Variants in MALRD1 observed in about 807,000 individuals in gnomAD.
MALRD1 encodes the protein MAM and LDL-receptor class A domain-containing protein 1.
In MALRD1, 247 loss-of-function variants were observed where a neutral mutation model predicts 242.1. The ratio of observed to expected loss-of-function variants is 1.02; its 90% CI spans 0.92 to 1.13. The LOEUF (loss-of-function observed/expected upper bound fraction) is 1.13. Ranked by LOEUF, MALRD1 falls within the 50% of genes most tolerant of loss-of-function variation. The pLI is 0.00. For synonymous variants in MALRD1, 995 were observed against 866.6 expected (o/e 1.15, Z -2.60); for missense variants, 2,989 against 2,533.1 (o/e 1.18, Z -3.86).
intron 2 of MALRD1, among the ~76,000 whole-genome samples, chr10:19,086,143 G>T (rs531867054): frequency 6.6e-6 from 1 of 152,078 alleles, no homozygotes; most frequent in East Asian, 1.9e-4. Flanking sequence ...CTTCAGTTAT[G>T]TCTCTGACTA....
At position 19,049,097 on chromosome 10, in the gene MALRD1, C is replaced by T. The variant is rs964569970; in HGVS notation, c.159C>T (p.Asp53=). 7.3e-6 allele frequency: 9 copies of T among 1,233,776 alleles called. No individual in the cohort carries two copies. In the East Asian group the frequency reaches 2.5e-4, roughly 35 times the overall value. The allele number at this position is 1,233,776 out of a possible 1,614,324, so 76.4% of individuals were successfully genotyped here. A position where few individuals can be genotyped will look rare whatever the true frequency, so the allele number is the denominator to read the frequency against. ...GVSLPPDSIC[D]FTDQCGDSSD... ...CCTTGCCTCCTGACAGCATTTGTGA[C>T]TTCACAGATCAGTGTGGGGATAGCA... Residue 53 remains aspartate (D), a synonymous_variant, in exon 1 of 40, where the codon GAC becomes GAT. Coordinates refer to ENST00000454679, the MANE Select transcript of MALRD1 (RefSeq NM_001142308.3).
chr10:19,677,535 T>C (rs1452874227), intron 36 of MALRD1, among the ~76,000 whole-genome samples: 1 of 152,208 alleles, frequency 6.6e-6, no homozygotes, highest in African/African-American at 2.4e-5. Flanking sequence ...TTTTTGTAAA[T>C]TTGTTTAAGT....
chr10:19,149,266 C>A (rs1192980266), intron 11 of MALRD1, among the ~76,000 whole-genome samples: 1 of 152,080 alleles, frequency 6.6e-6, no homozygotes, highest in Non-Finnish European at 1.5e-5. Flanking sequence ...CAGGTGCACA[C>A]CACCACGCCC....
intron 34 of MALRD1, among the ~76,000 whole-genome samples, chr10:19,603,581 G>A (rs1838467530): frequency 6.6e-6 from 1 of 152,168 alleles, no homozygotes. Context: ...GTACTATGCT[G>A]TTTTGGTTAC....
chr10:19,091,851 A>G (rs1162966359), intron 4 of MALRD1, among the ~76,000 whole-genome samples: 1 of 89,340 alleles, frequency 1.1e-5, no homozygotes, highest in Non-Finnish European at 2.1e-5. Flanking sequence ...TTATGTACCC[A>G]GTAGTCATTC....
intron 21 of MALRD1, among the ~76,000 whole-genome samples, chr10:19,315,181 TATATAA>T (rs1406935097): frequency 1.5e-5 from 2 of 131,392 alleles, no homozygotes; most frequent in Non-Finnish European, 3.1e-5. Context: ...TTTATATAAA[TATATAA>T]ATATAATTTA....
At chr10:19,482,678 CACACACACACACAT>C in intron 29 of MALRD1, among the ~76,000 whole-genome samples, 1 of 151,432 alleles carries the variant, frequency 6.6e-6, no homozygotes, top group Non-Finnish European at 1.5e-5. Context: ...CACACACACA[CACACACACACACAT>C]ACACACAAAG....
chr10:19,204,281 G>GT (rs71387054), intron 15 of MALRD1, 27 bp from the exon 16 acceptor site: 292,070 of 1,027,546 alleles, frequency 0.28, 16,822 homozygotes, highest in African/African-American at 0.48. Context: ...TTAATGAAGC[G>GT]TTTTTTTTTT....
At chr10:19,183,005 C>T (rs1245348056) in intron 14 of MALRD1, among the ~76,000 whole-genome samples, 1 of 151,360 alleles carries the variant, frequency 6.6e-6, no homozygotes, top group African/African-American at 2.4e-5. Flanking sequence ...ATTTTTTAGA[C>T]ATAAAAGGAA....
intron 36 of MALRD1, among the ~76,000 whole-genome samples, chr10:19,666,899 T>G (rs553231108): frequency 6.6e-6 from 1 of 152,112 alleles, no homozygotes; most frequent in South Asian, 2.1e-4. Flanking sequence ...CTTATCTGAG[T>G]GGAAGAGCTA....
intron 36 of MALRD1, among the ~76,000 whole-genome samples, chr10:19,632,170 C>G (rs895020054): frequency 6.6e-6 from 1 of 152,082 alleles, no homozygotes; most frequent in Non-Finnish European, 1.5e-5. Flanking sequence ...AGGAGTAGAC[C>G]TTGGTTAACT....
At chr10:19,687,017 C>A (rs1842609541) in intron 36 of MALRD1, among the ~76,000 whole-genome samples, 1 of 151,230 alleles carries the variant, frequency 6.6e-6, no homozygotes, top group African/African-American at 2.4e-5. Flanking sequence ...AAAATAATAA[C>A]GAGTGGATTT....
At chr10:19,225,901 T>C (rs929937618) in intron 18 of MALRD1, among the ~76,000 whole-genome samples, 1 of 152,212 alleles carries the variant, frequency 6.6e-6, no homozygotes, top group African/African-American at 2.4e-5. Context: ...ACCTTGCTTT[T>C]CTTTTTGGAA....
intron 28 of MALRD1, among the ~76,000 whole-genome samples, chr10:19,429,714 C>T (rs897133375): frequency 1.3e-5 from 2 of 152,254 alleles, no homozygotes; most frequent in South Asian, 4.1e-4. Context: ...GTTCAATTAT[C>T]TTCATCTAAT....
intron 28 of MALRD1, among the ~76,000 whole-genome samples, chr10:19,446,899 A>G (rs2496069): frequency 0.79 from 119,418 of 152,100 alleles, 47,740 homozygotes; most frequent in African/African-American, 0.95. Flanking sequence ...ATTATGAGTT[A>G]GGAGTGAGCA....
chr10:19,293,283 TA>T (rs1384102304), intron 21 of MALRD1, among the ~76,000 whole-genome samples: 8 of 152,304 alleles, frequency 5.3e-5, no homozygotes, highest in African/African-American at 7.2e-5. Context: ...TATATACATA[TA>T]TTTTTTTGCC....
At chr10:19,401,339 A>G (rs1846834029) in intron 28 of MALRD1, among the ~76,000 whole-genome samples, 1 of 152,140 alleles carries the variant, frequency 6.6e-6, no homozygotes, top group Admixed American at 6.6e-5. Context: ...CTTCGTAATC[A>G]TTTCTTTTGG....
rs34247984 is a variant in MALRD1, at chr10:19,262,655, CAAA to C, written c.3079+4900_3079+4902del. 1.7e-3 allele frequency among the ~76,000 whole-genome samples: 162 copies of C among 97,506 alleles called. 1 individual carries two copies. The highest frequency in any genetic ancestry group is 7.6e-3 in the East Asian group (21 of 2,760). The allele number at this position is 97,506 out of a possible 152,430, so 64.0% of individuals were successfully genotyped here. ...TGCGCGACAGAGCAAGAGTCTGTCT[CAAA>C]AAAAAAAAAAAAAAAGCACTTAAGA... On this transcript the variant is annotated intron_variant, in intron 19 of 39. Transcript: ENST00000454679.
At chr10:19,509,605 T>C (rs1564401183) in intron 31 of MALRD1, among the ~76,000 whole-genome samples, 2 of 152,184 alleles carry the variant, frequency 1.3e-5, no homozygotes, top group Non-Finnish European at 2.9e-5. Context: ...ATATTTGGTC[T>C]CAGTATGGAA....
Sources: allele counts gnomAD v4.1 joint callset (sites outside exome capture counted in the v4.1 genomes callset), GRCh38; gene constraint gnomAD v4.1.1; transcripts MANE v1.5; gene names NCBI Gene and HGNC (gene_info 2026-07-23, HGNC 2026-07-21).